The following PADI4 variants were observed in gnomAD, a reference collection of about 807,000 sequenced individuals.
PADI4 encodes peptidyl arginine deiminase 4.
Under a neutral mutation model 75.0 loss-of-function variants are expected in PADI4, and 62 were observed. The ratio of observed to expected loss-of-function variants is 0.83; its 90% CI spans 0.67 to 1.02. The LOEUF is 1.02. PADI4 is among the 50% of genes least tolerant of loss of function. PADI4 has a pLI of 0.00. For missense variants in PADI4, 845 were observed against 850.5 expected, an observed-to-expected ratio of 0.99 and a Z score of 0.08; for synonymous variants, 361 against 348.1, an observed-to-expected ratio of 1.04 and a Z score of -0.41.
In PADI4 at chr1:17,358,377, G is replaced by C. The variant is rs1413705166; in HGVS notation, c.1559-461G>C. ...GGTCAGGAGATCGAGACCATCCTGG[G>C]TAACACGGTGAAACCCCGTCTCTAC... is the stretch of plus-strand genomic sequence containing the variant. On this transcript the variant is annotated intron_variant, in intron 13 of 15. Transcript: ENST00000375448. 1.1e-4 allele frequency among the ~76,000 whole-genome samples: 2 copies of C among 18,690 alleles called. 1 individual carries two copies. Among genetic ancestry groups the C allele is most frequent in the Non-Finnish European group, 1.9e-4 (2 of 10,362 alleles). 12.3% of individuals were successfully genotyped at this position (18,690 alleles called of 152,430 possible). A position where few individuals can be genotyped will look rare whatever the true frequency, so the allele number is the denominator to read the frequency against.
chr1:17,330,940 C>T lies in PADI4; in HGVS notation c.93-29C>T, dbSNP rs116040625. The T allele has an allele frequency of 1.4e-3, 2,073 of 1,484,876 alleles. 30 individuals are homozygous for T. The African/African-American group carries it at 0.026, about 19-fold the overall frequency. The allele number at this position is 1,484,876 out of a possible 1,614,324, so 92.0% of individuals were successfully genotyped here. ...TGGCCCAGCCCCTCCTCACTGCATC[C>T]TCTGCTTTCCCATGTGTCTTGTCCA... On this transcript the variant is annotated intron_variant, in intron 1 of 15. Transcript: ENST00000375448.
Position 17,346,081 on chromosome 1 carries a change from C to G in PADI4, c.989C>G (p.Ala330Gly). 1 of 1,614,034 alleles carries G rather than the reference C, an allele frequency of 6.2e-7. No individual in the cohort carries two copies. Among genetic ancestry groups the G allele is most frequent in the Non-Finnish European group, 8.5e-7 (1 of 1,179,884 alleles). The change falls in exon 9 of 16, where the codon GCC (alanine) becomes GGC (glycine). Residue 330 changes from alanine (A) to glycine (G), a missense_variant. Transcript: ENST00000375448. The surrounding 1 kb of genome is among the most constrained non-coding windows in gnomAD (Gnocchi z 4.3). ...LKSVTTLAMKAKCKLTICPEE... is the reference protein window; with the variant it reads ...LKSVTTLAMKGKCKLTICPEE... ...TCAGTGACTACTCTGGCCATGAAAG[C>G]CAAGTGCAAGCTGACCATCTGCCCT...
intron 2 of PADI4, among the ~76,000 whole-genome samples, chr1:17,333,097 G>A (rs1004499679): frequency 3.9e-5 from 6 of 152,166 alleles, no homozygotes; most frequent in South Asian, 2.1e-4. Context: ...TTCAGCCAGC[G>A]AATAACAAGA....
Position 17,356,275 on chromosome 1 carries a change from T to C in PADI4, c.1456-82T>C, listed in dbSNP as rs1160073280. 2.4e-6 allele frequency: 3 copies of C among 1,263,320 alleles called. No individual in the cohort carries two copies. Among genetic ancestry groups the C allele is most frequent in the Admixed American group, 2.2e-5 (1 of 45,462 alleles). 78.3% of individuals were successfully genotyped at this position (1,263,320 alleles called of 1,614,324 possible). On this transcript the variant is annotated intron_variant, in intron 12 of 15. Transcript: ENST00000375448. This position sits in a 1 kb window ranked among gnomAD's most constrained non-coding sequence, Gnocchi z 4.1. Reference sequence around the variant, plus strand: ...GGCCAGCTTGGGTCCAAGTCCACACTACTCCCACCCTCAGCAGATCCACCC... The same window carrying C: ...GGCCAGCTTGGGTCCAAGTCCACACCACTCCCACCCTCAGCAGATCCACCC...
intron 15 of PADI4, 115 bp from the exon 16 acceptor site, chr1:17,363,407 G>A (rs983492602): frequency 2.9e-6 from 2 of 700,750 alleles, no homozygotes; most frequent in African/African-American, 1.8e-5. Context: ...ACAGGTCTGA[G>A]CCACCACCCC....
At chr1:17,316,175 C>T (rs1478173974) in intron 1 of PADI4, among the ~76,000 whole-genome samples, 1 of 151,998 alleles carries the variant, frequency 6.6e-6, no homozygotes, top group Non-Finnish European at 1.5e-5. Flanking sequence ...GGGCTGATCA[C>T]ATGAGGCCAG....
chr1:17,342,131 G>A lies in PADI4; in HGVS notation c.831+10G>A. On this transcript the variant is annotated intron_variant, in intron 7 of 15. Coordinates refer to ENST00000375448, the MANE Select transcript of PADI4 (RefSeq NM_012387.3). ...GGACACGTCCAACCTGGTAGGCCGAGAAGGCAGCCCTGCATCGGGGGCCTG... is the reference window on the plus strand; with the variant it reads ...GGACACGTCCAACCTGGTAGGCCGAAAAGGCAGCCCTGCATCGGGGGCCTG... 2 of 1,612,764 alleles carry A rather than the reference G, an allele frequency of 1.2e-6. No homozygotes were observed. The highest frequency in any genetic ancestry group is 1.7e-6 in the Non-Finnish European group (2 of 1,179,256).
chr1:17,341,869 G>A (rs936038855), intron 6 of PADI4, 74 bp from the exon 7 acceptor site: 4 of 1,154,332 alleles, frequency 3.5e-6, no homozygotes, highest in African/African-American at 3.1e-5. Flanking sequence ...AGGCTTCTGG[G>A]GAGCACTAAG....
rs77367170 is a variant in PADI4 at position 17,348,062 on chromosome 1, G to A, written c.1155+14G>A. ...AAACGCGTGATGGTACCTGCATGGG[G>A]TGGGGAGGGGGCACAGCTGCCGAAA... is the stretch of plus-strand genomic sequence containing the variant. On this transcript the variant is annotated intron_variant, in intron 10 of 15. Transcript: ENST00000375448. 2,539 of 1,511,284 alleles carry A rather than the reference G, an allele frequency of 1.7e-3. 44 individuals carry two copies. In the African/African-American group the frequency reaches 0.031, roughly 18 times the overall value. The allele number at this position is 1,511,284 out of a possible 1,614,324, so 93.6% of individuals were successfully genotyped here. A position where few individuals can be genotyped will look rare whatever the true frequency, so the allele number is the denominator to read the frequency against.
intron 15 of PADI4, among the ~76,000 whole-genome samples, chr1:17,360,061 G>A (rs1271436047): frequency 3.9e-5 from 6 of 152,176 alleles, no homozygotes; most frequent in African/African-American, 1.2e-4. Flanking sequence ...AGGCCAGAGC[G>A]GGTGGATCAC....
At chr1:17,309,721 C>G (rs1356102782) in intron 1 of PADI4, among the ~76,000 whole-genome samples, 2 of 152,230 alleles carry the variant, frequency 1.3e-5, no homozygotes, top group African/African-American at 4.8e-5. Flanking sequence ...AGCCAGAGAA[C>G]AGCAGGAAAT....
Position 17,356,483 on chromosome 1 carries a change from C to T in PADI4, c.1558+24C>T, listed in dbSNP as rs778321332. ...GAGTAAGTCGGCCCTGCCTTGTTCT[C>T]CTGTCTGTGCACCTTCCTGCTTCCC... On this transcript the variant is annotated intron_variant, in intron 13 of 15. Coordinates refer to ENST00000375448, the MANE Select transcript of PADI4 (RefSeq NM_012387.3). This position sits in a 1 kb window ranked among gnomAD's most constrained non-coding sequence, Gnocchi z 4.1. 7.3e-7 allele frequency: 1 copy of T among 1,367,342 alleles called. No homozygotes were observed. The highest frequency in any genetic ancestry group is 1.7e-5 in the Admixed American group (1 of 57,552). The allele number at this position is 1,367,342 out of a possible 1,614,324, so 84.7% of individuals were successfully genotyped here. A position where few individuals can be genotyped will look rare whatever the true frequency, so the allele number is the denominator to read the frequency against.
At chr1:17,311,207 G>A (rs2073820065) in intron 1 of PADI4, among the ~76,000 whole-genome samples, 3 of 152,096 alleles carry the variant, frequency 2.0e-5, no homozygotes, top group South Asian at 4.2e-4. Context: ...AGGTTGCAGT[G>A]AGGCAAGATT....
At chr1:17,319,081 T>G (rs2073991076) in intron 1 of PADI4, among the ~76,000 whole-genome samples, 1 of 152,146 alleles carries the variant, frequency 6.6e-6, no homozygotes, top group African/African-American at 2.4e-5. Flanking sequence ...AATGCTGGGA[T>G]TACAGGCGGG....
At chr1:17,352,352 G>A (rs1326268799) in intron 10 of PADI4, among the ~76,000 whole-genome samples, 1 of 152,090 alleles carries the variant, frequency 6.6e-6, no homozygotes, top group Admixed American at 6.6e-5. Context: ...TGGGCTTGTT[G>A]GCTACTGTTA....
At chr1:17,319,791 A>G (rs976546340) in intron 1 of PADI4, among the ~76,000 whole-genome samples, 5 of 152,174 alleles carry the variant, frequency 3.3e-5, no homozygotes, top group Non-Finnish European at 5.9e-5. Context: ...ACAGCTCGGC[A>G]TCGGCCTCAT....
At position 17,354,684 on chromosome 1, in the gene PADI4, C is replaced by G. The variant is rs1352971048; in HGVS notation, c.1307C>G (p.Pro436Arg). The G allele has an allele frequency of 6.2e-7, 1 of 1,601,610 alleles. No individual in the cohort carries two copies. The highest frequency in any genetic ancestry group is 8.5e-7 in the Non-Finnish European group (1 of 1,172,896). The change falls in exon 11 of 16, where the codon CCC becomes CGC. Residue 436 changes from proline (P) to arginine (R), a missense_variant. By Grantham distance (103) the Pro-to-Arg change is moderately radical (BLOSUM62 -2). Transcript: ENST00000375448. ...GRILFGDSCY[P>R]SNDSRQMHQA... ...ATTCTCTTCGGGGACAGCTGTTATC[C>G]CAGGTAAGGAGGGGAGTAACAGGAA...
At chr1:17,345,602 T>A (rs940890091) in intron 8 of PADI4, among the ~76,000 whole-genome samples, 2 of 152,232 alleles carry the variant, frequency 1.3e-5, no homozygotes, top group Non-Finnish European at 2.9e-5. Context: ...ACTGTTCTCA[T>A]GATAGTGAAT....
intron 3 of PADI4, chr1:17,334,839 T>C: frequency 3.2e-6 from 1 of 311,516 alleles, no homozygotes; most frequent in Non-Finnish European, 6.3e-6. Context: ...TATCATTATG[T>C]GTATTAAACA....
Sources: gnomAD v4.1 joint callset for allele counts (sites outside exome capture counted in the v4.1 genomes callset) on GRCh38, gnomAD v4.1.1 for gene constraint, Gnocchi (gnomAD v3.1) non-coding constraint, MANE v1.5 for transcripts, NCBI Gene and HGNC (gene_info 2026-07-23, HGNC 2026-07-21) for gene names.